MEGF10: variants seen among roughly 807,000 people sequenced by gnomAD.
MEGF10 encodes the protein multiple EGF like domains 10.
A neutral mutation model predicts 147.5 loss-of-function variants in MEGF10; 86 were observed. The observed-to-expected ratio is 0.58, with a 90% CI of 0.49 to 0.70. MEGF10 has a LOEUF of 0.70. Ranked by LOEUF, MEGF10 falls within the 30% of genes least tolerant of loss-of-function variation. The probability of loss-of-function intolerance (pLI) is 0.00; values close to 1 mark genes in which losing one functional copy is unlikely to be tolerated. For synonymous variants in MEGF10, 478 were observed against 525.5 expected (o/e 0.91, Z 1.24); for missense variants, 1,329 against 1,487.3 (o/e 0.89, Z 1.75).
chr5:127,364,992 A>T (rs1040092426), intron 4 of MEGF10, among the ~76,000 whole-genome samples: 4 of 152,166 alleles, frequency 2.6e-5, no homozygotes, highest in African/African-American at 9.7e-5. Context: ...TTGTCTGAAA[A>T]ATGTAGGAAT....
chr5:127,420,083 G>A lies in MEGF10; in HGVS notation c.1466G>A (p.Gly489Asp), dbSNP rs770450705. The change falls in exon 12 of 25, where the codon GGC (glycine) becomes GAC (aspartate). Residue 489 changes from glycine to aspartate, a missense_variant. By Grantham distance (94) the Gly-to-Asp change is moderately conservative. Transcript: ENST00000503335. ...GACTGCTCCATCAGATGTCCCAGTG[G>A]CACATGGGGCTTTGGCTGTAACTTA... ...GVDCSIRCPS[G>D]TWGFGCNLTC... The A allele has an allele frequency of 5.0e-6, 8 of 1,614,052 alleles. No individual in the cohort carries two copies. The highest frequency in any genetic ancestry group is 5.9e-6 in the Non-Finnish European group (7 of 1,180,046).
intron 6 of MEGF10, among the ~76,000 whole-genome samples, chr5:127,397,150 G>T (rs1763950305): frequency 1.3e-5 from 2 of 152,174 alleles, no homozygotes; most frequent in Non-Finnish European, 1.5e-5. Flanking sequence ...GGTTGTTAAT[G>T]GTCCATGTCT....
intron 13 of MEGF10, among the ~76,000 whole-genome samples, 176 bp downstream of exon 13, chr5:127,422,948 GAT>G (rs1012997383): frequency 2.6e-5 from 4 of 152,142 alleles, no homozygotes; most frequent in Admixed American, 2.0e-4. Context: ...ATTTTTTGTT[GAT>G]TTGTGTAGGG....
rs1244720040 is a variant in MEGF10, at chr5:127,458,245, G to A, written c.*927G>A. On this transcript the variant is annotated 3_prime_UTR_variant, in exon 25 of 25. Coordinates refer to ENST00000503335, the MANE Select transcript of MEGF10 (RefSeq NM_001256545.2). ...AAATGCAAGATGACGCTTACGTTCTGTAAACCATTAGTAATACATGCTGTA... is the reference window on the plus strand; with the variant it reads ...AAATGCAAGATGACGCTTACGTTCTATAAACCATTAGTAATACATGCTGTA... 2 of 152,214 alleles carry A rather than the reference G, an allele frequency of 1.3e-5. No individual in the cohort carries two copies. Among genetic ancestry groups the A allele is most frequent in the Non-Finnish European group, 2.9e-5 (2 of 68,042 alleles). 9.4% of individuals were successfully genotyped at this position (152,214 alleles called of 1,614,324 possible).
the MEGF10 span, among the ~76,000 whole-genome samples, chr5:127,273,672 CT>C: frequency 6.6e-6 from 1 of 152,216 alleles, no homozygotes; most frequent in Admixed American, 6.5e-5. Flanking sequence ...GCCTTTACTT[CT>C]CTGCTTTTGA....
intron 4 of MEGF10, among the ~76,000 whole-genome samples, chr5:127,353,946 G>A (rs1024387380): frequency 6.6e-6 from 1 of 152,198 alleles, no homozygotes; most frequent in Non-Finnish European, 1.5e-5. Flanking sequence ...CGTTGGCACT[G>A]GTTAAGAGAA....
intron 8 of MEGF10, chr5:127,409,553 A>T (rs1764472563): frequency 6.6e-6 from 1 of 152,256 alleles, no homozygotes; most frequent in Non-Finnish European, 1.5e-5. Context: ...TCCCTCTAGC[A>T]ACTCAGCTCC....
intron 22 of MEGF10, 37 bp from the exon 23 acceptor site, chr5:127,454,529 G>A: frequency 6.3e-7 from 1 of 1,588,832 alleles, no homozygotes; most frequent in South Asian, 1.2e-5. Context: ...CTTCCTTTCA[G>A]TTCTCACTGG....
At chr5:127,391,006 T>A (rs1186989100) in intron 5 of MEGF10, among the ~76,000 whole-genome samples, 1 of 152,004 alleles carries the variant, frequency 6.6e-6, no homozygotes, top group Non-Finnish European at 1.5e-5. Flanking sequence ...GTGGGCATGC[T>A]AAGGTATTAT....
chr5:127,274,922 CT>C, the MEGF10 span, among the ~76,000 whole-genome samples: 613 of 152,122 alleles, frequency 4.0e-3, 1 homozygote, highest in Non-Finnish European at 6.4e-3. Flanking sequence ...TCTCATTTTT[CT>C]GGTCATGTGT....
chr5:127,362,875 G>T (rs1295222510), intron 4 of MEGF10, among the ~76,000 whole-genome samples: 1 of 152,052 alleles, frequency 6.6e-6, no homozygotes, highest in African/African-American at 2.4e-5. Flanking sequence ...ACTTTAAGTT[G>T]AATATTTTTT....
the MEGF10 span, among the ~76,000 whole-genome samples, chr5:127,277,722 T>G: frequency 6.6e-6 from 1 of 151,566 alleles, no homozygotes; most frequent in Non-Finnish European, 1.5e-5. Flanking sequence ...AGGTCTGGAG[T>G]AGGTTGGTGA....
intron 1 of MEGF10, among the ~76,000 whole-genome samples, chr5:127,307,985 C>A (rs1246594985): frequency 6.6e-6 from 1 of 152,102 alleles, no homozygotes; most frequent in Non-Finnish European, 1.5e-5. Flanking sequence ...CTCGCTGTCC[C>A]CTCATGGAGC....
At chr5:127,391,087 T>TGTGCGCGCGCGCGCGTGCGC (rs1561614502) in intron 5 of MEGF10, among the ~76,000 whole-genome samples, 1 of 131,904 alleles carries the variant, frequency 7.6e-6, no homozygotes, top group Admixed American at 7.5e-5. Flanking sequence ...CATACACACA[T>TGTGCGCGCGCGCGCGTGCGC]GCGCGCGCGC....
the MEGF10 span, among the ~76,000 whole-genome samples, chr5:127,261,583 C>G: frequency 6.6e-6 from 1 of 151,998 alleles, no homozygotes; most frequent in African/African-American, 2.4e-5. Flanking sequence ...CATTTGTGTA[C>G]AAGGTTTTGT....
At chr5:127,320,792 G>A (rs1760758223) in intron 1 of MEGF10, among the ~76,000 whole-genome samples, 1 of 152,194 alleles carries the variant, frequency 6.6e-6, no homozygotes, top group Admixed American at 6.5e-5. Context: ...AGATTCTTTT[G>A]TGGCAATGCC....
intron 7 of MEGF10, among the ~76,000 whole-genome samples, chr5:127,402,289 A>G (rs1580820858): frequency 6.6e-6 from 1 of 152,162 alleles, no homozygotes; most frequent in African/African-American, 2.4e-5. Flanking sequence ...TTTAATATGG[A>G]TTTTGCTTAA....
At chr5:127,262,730 T>A in the MEGF10 span, among the ~76,000 whole-genome samples, 1 of 152,202 alleles carries the variant, frequency 6.6e-6, no homozygotes, top group African/African-American at 2.4e-5. Context: ...AATTCTAAAA[T>A]TGAGTCTAAG....
chr5:127,457,207 C>A lies in MEGF10; in HGVS notation c.3312C>A (p.Asn1104Lys), dbSNP rs566504230. 21 of 1,614,122 alleles carry A rather than the reference C, an allele frequency of 1.3e-5. No homozygotes were observed. In the South Asian group the frequency reaches 2.1e-4, roughly 16 times the overall value. ...LSQDPYDLPK[N>K]SHIPCHYDLL... ...AGGATCCATATGACCTCCCAAAGAA[C>A]AGTCACATCCCTTGTCATTATGACC... is the stretch of plus-strand genomic sequence containing the variant. The change falls in exon 25 of 25, where the codon AAC becomes AAA. Residue 1104 changes from asparagine (N) to lysine (K), a missense_variant. Coordinates refer to ENST00000503335, the MANE Select transcript of MEGF10 (RefSeq NM_001256545.2).
Sources: gnomAD v4.1 joint callset for allele counts (sites outside exome capture counted in the v4.1 genomes callset) on GRCh38, gnomAD v4.1.1 for gene constraint, MANE v1.5 for transcripts, NCBI Gene and HGNC (gene_info 2026-07-23, HGNC 2026-07-21) for gene names.